Variants in CXCL13 observed in about 807,000 individuals in gnomAD.
CXCL13 encodes C-X-C motif chemokine 13.
CXCL13 carries 7 observed loss-of-function variants against 12.2 expected under a neutral mutation model. That is an observed-to-expected ratio of 0.57 (90% CI 0.33 to 1.07). The LOEUF (loss-of-function observed/expected upper bound fraction) is 1.07, where lower values mean the gene tolerates loss of function less well. CXCL13 is among the 50% of genes least tolerant of loss of function. The pLI is 0.04. For synonymous variants in CXCL13, 47 were observed against 42.4 expected, an observed-to-expected ratio of 1.11 and a Z score of -0.42; for missense variants, 113 against 127.4, an observed-to-expected ratio of 0.89 and a Z score of 0.55.
chr4:77,529,981 A>G (rs1432906089), intron 1 of CXCL13, among the ~76,000 whole-genome samples: 2 of 152,220 alleles, frequency 1.3e-5, no homozygotes, highest in Non-Finnish European at 2.9e-5. Context: ...AGTTTTTAGC[A>G]TGAAGCGTTG....
chr4:77,540,693 T>C (rs558624268), intron 1 of CXCL13, among the ~76,000 whole-genome samples: 1 of 152,218 alleles, frequency 6.6e-6, no homozygotes, highest in Non-Finnish European at 1.5e-5. Context: ...AGGCTGATTC[T>C]ATGCCTGCTA....
chr4:77,536,342 TGTTCC>T (rs1437944772), intron 1 of CXCL13, among the ~76,000 whole-genome samples: 1 of 152,154 alleles, frequency 6.6e-6, no homozygotes, highest in African/African-American at 2.4e-5. Context: ...TGAAATGAGG[TGTTCC>T]GAAGCATAGT....
chr4:77,599,693 C>A (rs1308152802), intron 1 of CXCL13, among the ~76,000 whole-genome samples: 2 of 152,146 alleles, frequency 1.3e-5, no homozygotes, highest in African/African-American at 4.8e-5. Flanking sequence ...GAGAGAGCAC[C>A]AGGATCCACT....
At chr4:77,595,409 T>G (rs1313672137) in intron 1 of CXCL13, among the ~76,000 whole-genome samples, 15 of 152,210 alleles carry the variant, frequency 9.9e-5, no homozygotes, top group Admixed American at 9.8e-4. Flanking sequence ...ATCTTTTTTG[T>G]ACATTGCTTA....
chr4:77,596,883 C>T (rs1053402292), intron 1 of CXCL13, among the ~76,000 whole-genome samples: 9 of 151,784 alleles, frequency 5.9e-5, no homozygotes, highest in Middle Eastern at 3.2e-3. Flanking sequence ...GCATTACTCA[C>T]GATAGCCAAG....
Position 77,605,835 on chromosome 4 carries a change from A to G in CXCL13, c.-31A>G, listed in dbSNP as rs1338851063. 1 of 1,529,246 alleles carries G rather than the reference A, an allele frequency of 6.5e-7. No homozygotes were observed. The highest frequency in any genetic ancestry group is 9.0e-7 in the Non-Finnish European group (1 of 1,114,204). The allele number at this position is 1,529,246 out of a possible 1,614,324, so 94.7% of individuals were successfully genotyped here. On this transcript the variant is annotated 5_prime_UTR_variant, in exon 1 of 4. Coordinates refer to ENST00000682537, the MANE Select transcript of CXCL13 (RefSeq NM_001371558.1). ...CTGCAAACCCACAGCCTGGACTCAG[A>G]GCTCAAGTCTGAACTCTACCTCCAG...
At chr4:77,517,076 T>C (rs960000946) in intron 1 of CXCL13, among the ~76,000 whole-genome samples, 3 of 152,202 alleles carry the variant, frequency 2.0e-5, no homozygotes, top group Non-Finnish European at 4.4e-5. Flanking sequence ...CCAGTAGTCA[T>C]TCAGGAGCAG....
At chr4:77,545,722 A>G (rs1433009110) in intron 1 of CXCL13, among the ~76,000 whole-genome samples, 1 of 152,068 alleles carries the variant, frequency 6.6e-6, no homozygotes, top group East Asian at 1.9e-4. Flanking sequence ...CTCTTTTCCT[A>G]ATTGAATACC....
At chr4:77,589,129 C>T (rs1040725066) in intron 1 of CXCL13, among the ~76,000 whole-genome samples, 2 of 152,344 alleles carry the variant, frequency 1.3e-5, no homozygotes, top group Admixed American at 6.5e-5. Flanking sequence ...GTAGTCCACC[C>T]TTATCAACAG....
At chr4:77,552,455 G>C (rs555740822) in intron 1 of CXCL13, among the ~76,000 whole-genome samples, 1 of 152,350 alleles carries the variant, frequency 6.6e-6, no homozygotes, top group South Asian at 2.1e-4. Flanking sequence ...AGAGCCAGCT[G>C]TGGCCAGTAC....
At chr4:77,557,899 C>T (rs930546235) in intron 1 of CXCL13, among the ~76,000 whole-genome samples, 1 of 152,214 alleles carries the variant, frequency 6.6e-6, no homozygotes, top group Admixed American at 6.5e-5. Context: ...TTCTTTTCTA[C>T]CATCTACCTT....
At chr4:77,605,431 C>T (rs909310979), upstream of CXCL13, among the ~76,000 whole-genome samples, 4 of 152,092 alleles carry the variant, frequency 2.6e-5, no homozygotes, top group Admixed American at 2.0e-4. Context: ...GTGATGCGCT[C>T]GACGGAGTCC....
chr4:77,589,932 C>G (rs186490268), intron 1 of CXCL13, among the ~76,000 whole-genome samples: 70 of 152,204 alleles, frequency 4.6e-4, no homozygotes, highest in African/African-American at 1.6e-3. Context: ...CTTTTCTCTC[C>G]TTTTTTAATT....
At chr4:77,545,526 A>C (rs1478253201) in intron 1 of CXCL13, among the ~76,000 whole-genome samples, 2 of 152,128 alleles carry the variant, frequency 1.3e-5, no homozygotes, top group Admixed American at 6.6e-5. Context: ...ATGGGAGTTC[A>C]CTCACGATTT....
At chr4:77,555,863 G>A (rs988584950) in intron 1 of CXCL13, among the ~76,000 whole-genome samples, 1 of 152,114 alleles carries the variant, frequency 6.6e-6, no homozygotes, top group Non-Finnish European at 1.5e-5. Flanking sequence ...TGCATAGAAA[G>A]ATGTTCAACA....
intron 1 of CXCL13, among the ~76,000 whole-genome samples, chr4:77,579,464 C>A (rs141319022): frequency 6.6e-6 from 1 of 152,132 alleles, no homozygotes; most frequent in Admixed American, 6.5e-5. Context: ...TGACCCTCTC[C>A]AGACTGAATT....
chr4:77,554,203 A>T (rs1253756732), intron 1 of CXCL13, among the ~76,000 whole-genome samples: 1 of 152,080 alleles, frequency 6.6e-6, no homozygotes, highest in Non-Finnish European at 1.5e-5. Context: ...TTTGGCAGCC[A>T]ATGCATGAGT....
rs1421950223 is a variant in CXCL13 at position 77,573,360 on chromosome 4, TTTTGTG to T, written c.-42-32462_-42-32457del. ...TTCCAAGAAAAAAAGCTATTGGGTC[TTTTGTG>T]TGTGTGTGTGTGTGTGTGTGTGTGT... On this transcript the variant is annotated intron_variant, in intron 1 of 4. Transcript: ENST00000286758. 1.0e-3 allele frequency among the ~76,000 whole-genome samples: 136 copies of T among 134,626 alleles called. 1 individual carries two copies. Among genetic ancestry groups the T allele is most frequent in the African/African-American group, 3.9e-3 (131 of 33,922 alleles). 88.3% of individuals were successfully genotyped at this position (134,626 alleles called of 152,430 possible).
chr4:77,561,486 C>A (rs1725812117), intron 1 of CXCL13, among the ~76,000 whole-genome samples: 1 of 152,228 alleles, frequency 6.6e-6, no homozygotes, highest in Non-Finnish European at 1.5e-5. Context: ...TTTCTGTTTA[C>A]AGATGAAAAA....
Sources: allele counts gnomAD v4.1 joint callset (sites outside exome capture counted in the v4.1 genomes callset), GRCh38; gene constraint gnomAD v4.1.1; transcripts MANE v1.5; gene names NCBI Gene and HGNC (gene_info 2026-07-23, HGNC 2026-07-21).